Variants in MEF2D observed in about 807,000 individuals in gnomAD.
The protein encoded by MEF2D is myocyte enhancer factor 2D, also known as myocyte-specific enhancer factor 2D.
Under a neutral mutation model 59.3 loss-of-function variants are expected in MEF2D, and 10 were observed. That is an observed-to-expected ratio of 0.17 (90% confidence interval 0.10 to 0.29). The LOEUF (loss-of-function observed/expected upper bound fraction) is 0.29, where lower values mean the gene tolerates loss of function less well. MEF2D is among the 10% of genes least tolerant of loss of function. MEF2D has a pLI of 1.00. For synonymous variants in MEF2D, 305 were observed against 295.0 expected (o/e 1.03, Z -0.35); for missense variants, 508 against 699.4 (o/e 0.73, Z 3.09).
intron 1 of MEF2D, among the ~76,000 whole-genome samples, chr1:156,486,387 G>C (rs1672361238): frequency 6.6e-6 from 1 of 152,204 alleles, no homozygotes; most frequent in Admixed American, 6.5e-5. Flanking sequence ...AGAGGGCAAG[G>C]GGAGGGGGCT....
At chr1:156,493,993 A>G (rs1356166396) in intron 1 of MEF2D, among the ~76,000 whole-genome samples, 1 of 152,170 alleles carries the variant, frequency 6.6e-6, no homozygotes, top group African/African-American at 2.4e-5. Context: ...AAGGAGACTC[A>G]GCATAGAGGA....
At chr1:156,492,725 G>A (rs1026581872) in intron 1 of MEF2D, among the ~76,000 whole-genome samples, 6 of 152,172 alleles carry the variant, frequency 3.9e-5, no homozygotes, top group African/African-American at 1.4e-4. Flanking sequence ...CGGTTGGGAC[G>A]GTTAGTGTGT....
At chr1:156,490,729 A>T (rs1217958140) in intron 1 of MEF2D, 2 of 151,490 alleles carry the variant, frequency 1.3e-5, no homozygotes, top group Non-Finnish European at 2.9e-5. Context: ...CCGCTGGACA[A>T]CTCTCCCGAG....
Position 156,483,318 on chromosome 1 carries a change from G to A in MEF2D, c.-26C>T, listed in dbSNP as rs765620051. 1.6e-5 allele frequency: 26 copies of A among 1,611,814 alleles called. No homozygotes were observed. Among genetic ancestry groups the A allele is most frequent in the African/African-American group, 2.7e-5 (2 of 74,972 alleles). ...CTTCTCCGGGGGTCCTCAGTGCTACGGAGGGGAGGGGCTCGCTGGGTGGTG... is the reference window on the plus strand; with the variant it reads ...CTTCTCCGGGGGTCCTCAGTGCTACAGAGGGGAGGGGCTCGCTGGGTGGTG... On this transcript the variant is annotated 5_prime_UTR_variant, in exon 2 of 12. Coordinates refer to ENST00000348159, the MANE Select transcript of MEF2D (RefSeq NM_005920.4).
At chr1:156,498,791 C>T (rs1673299772) in intron 1 of MEF2D, among the ~76,000 whole-genome samples, 1 of 152,150 alleles carries the variant, frequency 6.6e-6, no homozygotes, top group Admixed American at 6.5e-5. Context: ...GGGGAAGGAG[C>T]TCCATATAAG....
chr1:156,481,117 T>C (rs1004237288), intron 3 of MEF2D, 146 bp from the exon 4 acceptor site: 1 of 1,115,190 alleles, frequency 9.0e-7, no homozygotes, highest in Non-Finnish European at 1.3e-6. Context: ...CCCTCCCCAC[T>C]GACAGTGCCT....
rs371160754 is a variant in MEF2D at position 156,482,581 on chromosome 1, T to C, written c.114A>G (p.Leu38=). Residue 38 remains leucine, a synonymous_variant, in exon 3 of 12, where the codon CTA becomes CTG. Transcript: ENST00000348159. The stretch of plus-strand genomic sequence containing the variant: ...TGATGAGTGCGATCTCGCAGTCACA[T>C]AGCACGCTCAGCTCATACGCCTTCT... ...LMKKAYELSV[L]CDCEIALIIF... 8.2e-5 allele frequency: 133 copies of C among 1,614,118 alleles called. 1 individual carries two copies. The highest frequency in any genetic ancestry group is 1.6e-4 in the Middle Eastern group (1 of 6,084).
intron 1 of MEF2D, among the ~76,000 whole-genome samples, 177 bp downstream of exon 1, chr1:156,500,309 T>G (rs1005365556): frequency 6.6e-6 from 1 of 152,082 alleles, no homozygotes; most frequent in Non-Finnish European, 1.5e-5. Context: ...GTCCCCTAGG[T>G]AATCCCCGCC....
At chr1:156,488,955 C>T (rs1433174214) in intron 1 of MEF2D, among the ~76,000 whole-genome samples, 2 of 152,126 alleles carry the variant, frequency 1.3e-5, no homozygotes, top group African/African-American at 4.8e-5. Context: ...CCCTTCCACC[C>T]ATATCTGTTC....
rs1012656084 is a variant in MEF2D, at chr1:156,479,210, C to G, written c.664+80G>C. The stretch of plus-strand genomic sequence containing the variant: ...GATCTTCCTCTCCTCTCATCTAGGT[C>G]GTTCCTGATCCTTGGACCCCCTGAG... On this transcript the variant is annotated intron_variant, in intron 6 of 11. Coordinates refer to ENST00000348159, the MANE Select transcript of MEF2D (RefSeq NM_005920.4). 5 of 1,203,606 alleles carry G rather than the reference C, an allele frequency of 4.2e-6. No individual in the cohort carries two copies. The African/African-American group carries it at 7.7e-5, about 19-fold the overall frequency. The allele number at this position is 1,203,606 out of a possible 1,614,324, so 74.6% of individuals were successfully genotyped here. A position where few individuals can be genotyped will look rare whatever the true frequency, so the allele number is the denominator to read the frequency against.
At chr1:156,469,733 T>C (rs934169379) in intron 9 of MEF2D, among the ~76,000 whole-genome samples, 3 of 151,868 alleles carry the variant, frequency 2.0e-5, no homozygotes, top group Non-Finnish European at 4.4e-5. Flanking sequence ...ACAAATAGCT[T>C]AAAAATTAGC....
intron 6 of MEF2D, among the ~76,000 whole-genome samples, chr1:156,477,818 T>C (rs1671717755): frequency 1.3e-5 from 2 of 152,246 alleles, no homozygotes; most frequent in South Asian, 4.1e-4. Flanking sequence ...CTGTTGGTGA[T>C]GGTGTTATTG....
intron 1 of MEF2D, among the ~76,000 whole-genome samples, chr1:156,486,106 G>A (rs1171561): frequency 0.24 from 36,642 of 151,878 alleles, 4,624 homozygotes; most frequent in Admixed American, 0.29. Context: ...CCTCGACCTC[G>A]TGCTCCATGG....
At position 156,479,649 on chromosome 1, in the gene MEF2D, G is replaced by T. The variant is rs913271454; in HGVS notation, c.544C>A (p.Gln182Lys). Residue 182 changes from glutamine (Q) to lysine (K), a missense_variant, in exon 5 of 12, where the codon CAG becomes AAG. This residue lies in a region of MEF2D where 481 missense variants were observed against 584.7 expected (regional missense o/e 0.82). Coordinates refer to ENST00000348159, the MANE Select transcript of MEF2D (RefSeq NM_005920.4). Reference protein sequence around the residue: ...SLTDPRLLSPQQPALQRNSVS... With the variant: ...SLTDPRLLSPKQPALQRNSVS... The stretch of plus-strand genomic sequence containing the variant: ...CTGTTCCTCTGTAGTGCTGGCTGCT[G>T]GGGGGACAGGAGCCGCGGGTCCGTG... The T allele has an allele frequency of 5.2e-6, 8 of 1,552,648 alleles. No homozygotes were observed. The highest frequency in any genetic ancestry group is 6.1e-6 in the Non-Finnish European group (7 of 1,147,568).
chr1:156,476,354 C>T lies in MEF2D; in HGVS notation c.876+140G>A, dbSNP rs1354245259. The T allele has an allele frequency of 3.7e-5, 38 of 1,027,346 alleles. No homozygotes were observed. In the East Asian group the frequency reaches 8.0e-4, roughly 22 times the overall value. 63.6% of individuals were successfully genotyped at this position (1,027,346 alleles called of 1,614,324 possible). A position where few individuals can be genotyped will look rare whatever the true frequency, so the allele number is the denominator to read the frequency against. On this transcript the variant is annotated intron_variant, in intron 8 of 11. Transcript: ENST00000348159. ...AATCCCACTTGGCACCTAAGCACAGCTCCTGGCAACTAAGCAAAGAAACAG... is the reference window on the plus strand; with the variant it reads ...AATCCCACTTGGCACCTAAGCACAGTTCCTGGCAACTAAGCAAAGAAACAG...
At chr1:156,497,477 G>C (rs1041220795) in intron 1 of MEF2D, among the ~76,000 whole-genome samples, 1 of 152,214 alleles carries the variant, frequency 6.6e-6, no homozygotes, top group Admixed American at 6.5e-5. Flanking sequence ...GACCCTTGAT[G>C]ATGGGTTCCA....
In MEF2D at chr1:156,483,449, GAGAGGTCTCTGAGCCCCCA is replaced by G; in HGVS notation, c.-138-38_-138-20del. ...CAGCCTCCTGGAAAGGGAGGGTCAT[GAGAGGTCTCTGAGCCCCCA>G]AAACCCCCAGCCCTGCTCCCTGGGC... On this transcript the variant is annotated intron_variant, in intron 1 of 11. Transcript: ENST00000348159. 1.4e-6 allele frequency: 1 copy of G among 727,440 alleles called. No individual in the cohort carries two copies. Among genetic ancestry groups the G allele is most frequent in the Non-Finnish European group, 2.3e-6 (1 of 428,298 alleles). The allele number at this position is 727,440 out of a possible 1,614,324, so 45.1% of individuals were successfully genotyped here. A position where few individuals can be genotyped will look rare whatever the true frequency, so the allele number is the denominator to read the frequency against.
chr1:156,486,163 C>G (rs550938885), intron 1 of MEF2D, among the ~76,000 whole-genome samples: 1 of 152,270 alleles, frequency 6.6e-6, no homozygotes, highest in South Asian at 2.1e-4. Flanking sequence ...AACACCAGCC[C>G]AGCCAGCCCT....
chr1:156,492,270 T>C (rs1178790104), intron 1 of MEF2D, among the ~76,000 whole-genome samples: 1 of 152,180 alleles, frequency 6.6e-6, no homozygotes, highest in African/African-American at 2.4e-5. Context: ...TGGGAGTAAA[T>C]GGCCCAGGAC....
Sources: allele counts gnomAD v4.1 joint callset (sites outside exome capture counted in the v4.1 genomes callset), GRCh38; gene constraint gnomAD v4.1.1; regional missense constraint gnomAD v4.1.1; transcripts MANE v1.5; gene names NCBI Gene and HGNC (gene_info 2026-07-23, HGNC 2026-07-21).